PCDHGA5: variants seen among roughly 807,000 people sequenced by gnomAD.
PCDHGA5 encodes the protein protocadherin gamma-A5.
A neutral mutation model predicts 56.7 loss-of-function variants in PCDHGA5; 36 were observed. The ratio of observed to expected loss-of-function variants is 0.64; its 90% confidence interval spans 0.49 to 0.84. The LOEUF (loss-of-function observed/expected upper bound fraction) is 0.84, where lower values mean the gene tolerates loss of function less well. Among genes scored for constraint, PCDHGA5 ranks in the 40% least tolerant of loss-of-function variants. The pLI, the probability that PCDHGA5 is intolerant of heterozygous loss-of-function variation, is 0.00. For missense variants in PCDHGA5, 1,305 were observed against 1,201.5 expected (o/e 1.09, Z -1.27); for synonymous variants, 563 against 520.2 (o/e 1.08, Z -1.12).
At chr5:141,464,418 T>C (rs1244881278) in intron 1 of PCDHGA5, among the ~76,000 whole-genome samples, 2 of 151,652 alleles carry the variant, frequency 1.3e-5, no homozygotes, top group Non-Finnish European at 2.9e-5. Flanking sequence ...TATATATCTA[T>C]ATATATAGAT....
intron 1 of PCDHGA5, among the ~76,000 whole-genome samples, chr5:141,479,965 T>C (rs2099510479): frequency 6.6e-6 from 1 of 152,234 alleles, no homozygotes; most frequent in East Asian, 1.9e-4. Context: ...GTTAGTCAAA[T>C]GAGGTTCTAC....
At position 141,409,164 on chromosome 5, in the gene PCDHGA5, C is replaced by T. The variant is rs115772303; in HGVS notation, c.2421+42413C>T. ...GAAAGGTACACCATGGAAGTGGAAG[C>T]GAAGGACGGAGGTGGTCTCTCTACC... On this transcript the variant is annotated intron_variant, in intron 1 of 3. Transcript: ENST00000518069. 2.0e-3 allele frequency: 3,227 copies of T among 1,613,908 alleles called. 51 individuals are homozygous for T. In the African/African-American group the frequency reaches 0.029, roughly 14 times the overall value.
At chr5:141,421,189 C>G in intron 1 of PCDHGA5, 1 of 1,477,674 alleles carries the variant, frequency 6.8e-7, no homozygotes, top group Non-Finnish European at 9.0e-7. Flanking sequence ...CACAACCAAC[C>G]AGCTCGAGAA....
At chr5:141,416,722 A>C (rs891558095) in intron 1 of PCDHGA5, 3 of 152,258 alleles carry the variant, frequency 2.0e-5, no homozygotes, top group African/African-American at 7.2e-5. Context: ...TGATGAGTTC[A>C]TTTAGTTCAA....
At chr5:141,382,592 A>G (rs1264942970) in intron 1 of PCDHGA5, 1 of 246,462 alleles carries the variant, frequency 4.1e-6, no homozygotes, top group Admixed American at 5.4e-5. Context: ...TTGAAAGATG[A>G]AACAATTTTC....
chr5:141,419,877 C>G (rs1272137716), intron 1 of PCDHGA5: 24 of 1,614,062 alleles, frequency 1.5e-5, no homozygotes, highest in Non-Finnish European at 1.9e-5. Flanking sequence ...GAGGTACTGC[C>G]GGATTTCAGC....
rs1036779864 is a variant in PCDHGA5 at position 141,379,823 on chromosome 5, T to C, written c.2421+13072T>C. 3.3e-5 allele frequency among the ~76,000 whole-genome samples: 5 copies of C among 150,450 alleles called. No homozygotes were observed. In the East Asian group the frequency reaches 9.7e-4, roughly 29 times the overall value. On this transcript the variant is annotated intron_variant, in intron 1 of 3. Transcript: ENST00000518069. ...GTTTTGAGAGTTCAGTATAGAATTT[T>C]GAAGCATCAGGAAAAAAAACTACCA... is the stretch of plus-strand genomic sequence containing the variant.
Position 141,433,012 on chromosome 5 carries a change from G to C in PCDHGA5, c.2422-61795G>C. 1 of 1,614,172 alleles carries C rather than the reference G, an allele frequency of 6.2e-7. No homozygotes were observed. Among genetic ancestry groups the C allele is most frequent in the South Asian group, 1.1e-5 (1 of 91,080 alleles). The stretch of plus-strand genomic sequence containing the variant: ...TGGACGGGGTGCAGGCTTTCCTGCA[G>C]ACCTATTCCCACGAGGTTTCCCTCA... On this transcript the variant is annotated intron_variant, in intron 1 of 3. Coordinates refer to ENST00000518069, the MANE Select transcript of PCDHGA5 (RefSeq NM_018918.3).
intron 1 of PCDHGA5, among the ~76,000 whole-genome samples, chr5:141,433,818 CA>C (rs2097653666): frequency 7.5e-6 from 1 of 133,558 alleles, no homozygotes; most frequent in African/African-American, 2.9e-5. Flanking sequence ...GCCTGGGCAA[CA>C]AGAGTGAAAC....
chr5:141,453,620 A>G (rs2098770145), intron 1 of PCDHGA5, among the ~76,000 whole-genome samples: 1 of 152,196 alleles, frequency 6.6e-6, no homozygotes. Context: ...CAAAAACAAA[A>G]CCTATACATA....
intron 1 of PCDHGA5, among the ~76,000 whole-genome samples, chr5:141,444,472 C>T (rs559334960): frequency 2.1e-4 from 32 of 151,968 alleles, no homozygotes; most frequent in Admixed American, 1.5e-3. Flanking sequence ...CGCCCGGTCG[C>T]GTACTGGATT....
chr5:141,507,487 G>A (rs889348168), intron 3 of PCDHGA5, among the ~76,000 whole-genome samples: 1 of 152,204 alleles, frequency 6.6e-6, no homozygotes, highest in African/African-American at 2.4e-5. Context: ...GCCTCCTGAG[G>A]CAGAGCTGTC....
At chr5:141,447,773 T>C (rs2098551408) in intron 1 of PCDHGA5, among the ~76,000 whole-genome samples, 1 of 152,202 alleles carries the variant, frequency 6.6e-6, no homozygotes, top group African/African-American at 2.4e-5. Context: ...AATTATACTT[T>C]AATTGAAAAT....
At chr5:141,384,889 G>GTGGC in intron 1 of PCDHGA5, 1 of 1,613,882 alleles carries the variant, frequency 6.2e-7, no homozygotes, top group Non-Finnish European at 8.5e-7. Context: ...CACCGTGGCT[G>GTGGC]TGGCTGACAG....
chr5:141,369,855 C>T (rs904166115), intron 1 of PCDHGA5, among the ~76,000 whole-genome samples: 4 of 152,098 alleles, frequency 2.6e-5, no homozygotes, highest in African/African-American at 7.2e-5. Context: ...TTTTATTTGG[C>T]CCTCATTTCT....
rs775898365 is a variant in PCDHGA5 at position 141,476,425 on chromosome 5, T to C, written c.2422-18382T>C. On this transcript the variant is annotated intron_variant, in intron 1 of 3. Transcript: ENST00000518069. This position sits in a 1 kb window ranked among gnomAD's most constrained non-coding sequence, Gnocchi z 7.6. ...AGGAGCTGTGTGGGACACTGCCCTC[T>C]TGCACTGTAACTCTGGAGTTGGTAG... is the stretch of plus-strand genomic sequence containing the variant. The C allele has an allele frequency of 1.2e-6, 2 of 1,614,108 alleles. No homozygotes were observed. Among genetic ancestry groups the C allele is most frequent in the East Asian group, 4.5e-5 (2 of 44,848 alleles).
intron 3 of PCDHGA5, among the ~76,000 whole-genome samples, chr5:141,509,381 C>T (rs181928019): frequency 6.6e-6 from 1 of 152,256 alleles, no homozygotes; most frequent in East Asian, 1.9e-4. Flanking sequence ...TGTCTCCTAA[C>T]CACAGAGGAT....
Position 141,511,348 on chromosome 5 carries a change from C to T in PCDHGA5, c.*175C>T. Reference sequence around the variant, plus strand: ...TGCCCAGTCAGCACCTACCCCTTCCCCCCCAGGGGGTTGAATATGCAAAAG... The same window carrying T: ...TGCCCAGTCAGCACCTACCCCTTCCTCCCCAGGGGGTTGAATATGCAAAAG... On this transcript the variant is annotated 3_prime_UTR_variant, in exon 4 of 4. Transcript: ENST00000518069. The T allele has an allele frequency of 7.1e-7, 1 of 1,404,104 alleles. No homozygotes were observed. The highest frequency in any genetic ancestry group is 9.5e-7 in the Non-Finnish European group (1 of 1,056,554). 87.0% of individuals were successfully genotyped at this position (1,404,104 alleles called of 1,614,324 possible). A position where few individuals can be genotyped will look rare whatever the true frequency, so the allele number is the denominator to read the frequency against.
At chr5:141,383,468 A>C in intron 1 of PCDHGA5, 1 of 1,613,774 alleles carries the variant, frequency 6.2e-7, no homozygotes, top group Non-Finnish European at 8.5e-7. Context: ...GATGAAACTA[A>C]GTACCCGGAA....
Sources: allele counts gnomAD v4.1 joint callset (sites outside exome capture counted in the v4.1 genomes callset), GRCh38; gene constraint gnomAD v4.1.1; non-coding constraint Gnocchi (gnomAD v3.1); transcripts MANE v1.5; gene names NCBI Gene and HGNC (gene_info 2026-07-23, HGNC 2026-07-21).